CST7: variants seen among roughly 807,000 people sequenced by gnomAD.
CST7 encodes the protein cystatin F, also known as cystatin-F.
In CST7, 15 loss-of-function variants were observed where a neutral mutation model predicts 13.1. The observed-to-expected ratio is 1.14, with a 90% CI of 0.77 to 1.76. The LOEUF (loss-of-function observed/expected upper bound fraction) is 1.76. Among genes scored for constraint, CST7 ranks in the 40% most tolerant of loss-of-function variants. CST7 has a pLI of 0.00. For missense variants in CST7, 193 were observed against 178.8 expected, an observed-to-expected ratio of 1.08 and a Z score of -0.45; for synonymous variants, 75 against 66.9, an observed-to-expected ratio of 1.12 and a Z score of -0.59.
At chr20:24,950,167 T>A (rs971616209) in intron 1 of CST7, among the ~76,000 whole-genome samples, 4 of 152,058 alleles carry the variant, frequency 2.6e-5, no homozygotes, top group Non-Finnish European at 2.9e-5. Context: ...CAACCTGCTC[T>A]CCCCCAAAGG....
chr20:24,949,610 G>T (rs770389030), intron 1 of CST7, 35 bp downstream of exon 1: 4 of 1,611,968 alleles, frequency 2.5e-6, no homozygotes, highest in African/African-American at 1.3e-5. Flanking sequence ...CTCCCCGGGG[G>T]TCTCTCCCTG....
At chr20:24,957,018 G>GAGTA (rs1171092975) in intron 1 of CST7, among the ~76,000 whole-genome samples, 4 of 2,822 alleles carry the variant, frequency 1.4e-3, no homozygotes, top group Non-Finnish European at 3.0e-3. Context: ...GGTGAGGGGG[G>GAGTA]CAGGTGAGGG....
Position 24,952,473 on chromosome 20 carries a change from C to T in CST7, c.70+2898C>T, listed in dbSNP as rs548039847. Among the ~76,000 whole-genome samples the T allele has an allele frequency of 7.2e-5, 11 of 152,336 alleles. No homozygotes were observed. The East Asian group carries it at 9.7e-4, about 13-fold the overall frequency. On this transcript the variant is annotated intron_variant, in intron 1 of 3. Transcript: ENST00000480798. Reference sequence around the variant, plus strand: ...ATCAGGCAGAGACCCAAGAGCACAGCGGGCAGGTGTGGCCCCAAGGACCCA... The same window carrying T: ...ATCAGGCAGAGACCCAAGAGCACAGTGGGCAGGTGTGGCCCCAAGGACCCA...
chr20:24,954,285 G>A (rs1003543881), intron 1 of CST7, among the ~76,000 whole-genome samples: 3 of 152,164 alleles, frequency 2.0e-5, no homozygotes, highest in Admixed American at 1.3e-4. Context: ...AAACAGCATC[G>A]CAGGGCCCTC....
In CST7 at chr20:24,957,531, G is replaced by A; in HGVS notation, c.243+72G>A. ...CCGAGCTGCTACAACGCGACACCTAGGAGAGCAGGGCGGATATAATGTGAA... is the reference window on the plus strand; with the variant it reads ...CCGAGCTGCTACAACGCGACACCTAAGAGAGCAGGGCGGATATAATGTGAA... On this transcript the variant is annotated intron_variant, in intron 2 of 3. Transcript: ENST00000480798. The A allele has an allele frequency of 2.1e-6, 3 of 1,439,812 alleles. No homozygotes were observed. In the South Asian group the frequency reaches 3.7e-5, roughly 18 times the overall value. The allele number at this position is 1,439,812 out of a possible 1,614,324, so 89.2% of individuals were successfully genotyped here.
chr20:24,949,649 C>G (rs2087808071), intron 1 of CST7, 74 bp downstream of exon 1: 1 of 1,580,756 alleles, frequency 6.3e-7, no homozygotes, highest in African/African-American at 1.3e-5. Flanking sequence ...TTGGGTCTTC[C>G]CCAGGGCACT....
intron 1 of CST7, among the ~76,000 whole-genome samples, chr20:24,952,907 T>C (rs149500477): frequency 3.7e-4 from 57 of 152,324 alleles, no homozygotes; most frequent in Admixed American, 6.5e-4. Context: ...CCCATTTTCC[T>C]ACTAAAGGCA....
chr20:24,957,175 C>G, intron 1 of CST7, 112 bp from the exon 2 acceptor site: 3 of 1,001,826 alleles, frequency 3.0e-6, no homozygotes, highest in Admixed American at 5.3e-5. Context: ...TGGGTAGGGC[C>G]AGGACACACA....
intron 3 of CST7, among the ~76,000 whole-genome samples, chr20:24,959,374 G>C (rs1427730178): frequency 6.6e-6 from 1 of 152,112 alleles, no homozygotes; most frequent in East Asian, 1.9e-4. Flanking sequence ...ACATACATAT[G>C]ATATGTATCA....
intron 1 of CST7, among the ~76,000 whole-genome samples, chr20:24,952,061 G>A (rs755802546): frequency 3.3e-5 from 5 of 152,234 alleles, no homozygotes; most frequent in Admixed American, 3.3e-4. Flanking sequence ...GGGAGCTGCC[G>A]CAGGCTGAGC....
intron 1 of CST7, among the ~76,000 whole-genome samples, chr20:24,950,260 A>T (rs1056292345): frequency 5.9e-5 from 9 of 152,122 alleles, no homozygotes; most frequent in African/African-American, 2.2e-4. Flanking sequence ...CATTTAACCA[A>T]CCAGGAAGCT....
chr20:24,949,823 C>T (rs985074932), intron 1 of CST7, among the ~76,000 whole-genome samples: 1 of 152,204 alleles, frequency 6.6e-6, no homozygotes, highest in East Asian at 1.9e-4. Flanking sequence ...AGGGAAGCAT[C>T]TTCTATTCTC....
At position 24,949,410 on chromosome 20, in the gene CST7, C is replaced by A. The variant is rs369490177; in HGVS notation, c.-96C>A. 6.2e-7 allele frequency: 1 copy of A among 1,606,614 alleles called. No homozygotes were observed. The highest frequency in any genetic ancestry group is 2.2e-5 in the East Asian group (1 of 44,730). On this transcript the variant is annotated 5_prime_UTR_variant, in exon 1 of 4. Coordinates refer to ENST00000480798, the MANE Select transcript of CST7 (RefSeq NM_003650.4). ...GCCATCTACCCAAGAAGGCTCGGCACGGGCACCAACCACTGCCTCCAACTG... is the reference window on the plus strand; with the variant it reads ...GCCATCTACCCAAGAAGGCTCGGCAAGGGCACCAACCACTGCCTCCAACTG...
At chr20:24,951,434 G>T (rs1423526994) in intron 1 of CST7, among the ~76,000 whole-genome samples, 2 of 152,200 alleles carry the variant, frequency 1.3e-5, no homozygotes, top group Admixed American at 1.3e-4. Context: ...CAGGCGCTGT[G>T]ATCATTTCTG....
intron 1 of CST7, among the ~76,000 whole-genome samples, chr20:24,951,472 C>A (rs1204054154): frequency 6.6e-6 from 1 of 152,206 alleles, no homozygotes; most frequent in Non-Finnish European, 1.5e-5. Context: ...CTTCAGTCTT[C>A]GGCTGTATAG....
At position 24,959,772 on chromosome 20, in the gene CST7, C is replaced by T. The variant is rs959213261; in HGVS notation, c.*60C>T. ...AACACCAGGATGCATGCTCCTTGTCCCCTCCCACCCGCCTCATGACCCAGC... is the reference window on the plus strand; with the variant it reads ...AACACCAGGATGCATGCTCCTTGTCTCCTCCCACCCGCCTCATGACCCAGC... On this transcript the variant is annotated 3_prime_UTR_variant, in exon 4 of 4. Coordinates refer to ENST00000480798, the MANE Select transcript of CST7 (RefSeq NM_003650.4). 9.9e-6 allele frequency: 15 copies of T among 1,517,250 alleles called. No individual in the cohort carries two copies. The highest frequency in any genetic ancestry group is 1.4e-5 in the Non-Finnish European group (15 of 1,092,434). The allele number at this position is 1,517,250 out of a possible 1,614,324, so 94.0% of individuals were successfully genotyped here.
Position 24,952,587 on chromosome 20 carries a change from G to C in CST7, c.70+3012G>C, listed in dbSNP as rs141203207. ...GAGTGAACACCAGCACCTCTAAGCTGGACTTGCACCCCCCCAACACCCCAG... is the reference window on the plus strand; with the variant it reads ...GAGTGAACACCAGCACCTCTAAGCTCGACTTGCACCCCCCCAACACCCCAG... On this transcript the variant is annotated intron_variant, in intron 1 of 3. Transcript: ENST00000480798. Among the ~76,000 whole-genome samples the C allele has an allele frequency of 3.3e-4, 50 of 152,298 alleles. 3 individuals are homozygous for C. In the East Asian group the frequency reaches 8.3e-3, roughly 25 times the overall value.
In CST7 at chr20:24,949,473, C is replaced by CA; in HGVS notation, c.-31dup. On this transcript the variant is annotated 5_prime_UTR_variant, in exon 1 of 4. Transcript: ENST00000480798. ...TGAGAAGGCACTGCACGGCCACCCCCAACTGCCCCGCACTGTCCCTACCCG... is the reference window on the plus strand; with the variant it reads ...TGAGAAGGCACTGCACGGCCACCCCCAAACTGCCCCGCACTGTCCCTACCCG... 6.2e-7 allele frequency: 1 copy of CA among 1,614,016 alleles called. No individual in the cohort carries two copies. Among genetic ancestry groups the CA allele is most frequent in the Non-Finnish European group, 8.5e-7 (1 of 1,179,984 alleles).
At chr20:24,955,055 C>CAAA (rs201760088) in intron 1 of CST7, among the ~76,000 whole-genome samples, 2 of 45,250 alleles carry the variant, frequency 4.4e-5, no homozygotes, top group Non-Finnish European at 1.0e-4. Flanking sequence ...ACAACAACAA[C>CAAA]AAAAAAAAAC....
Sources: gnomAD v4.1 joint callset for allele counts (sites outside exome capture counted in the v4.1 genomes callset) on GRCh38, gnomAD v4.1.1 for gene constraint, MANE v1.5 for transcripts, NCBI Gene and HGNC (gene_info 2026-07-23, HGNC 2026-07-21) for gene names.